The following MEIS1 variants were observed in gnomAD, a reference collection of about 807,000 sequenced individuals.
MEIS1 encodes Meis homeobox 1.
A neutral mutation model predicts 50.8 loss-of-function variants in MEIS1; 5 were observed. The observed-to-expected ratio is 0.10, with a 90% CI of 0.05 to 0.21. The LOEUF is 0.21. Among genes scored for constraint, MEIS1 ranks in the 10% least tolerant of loss-of-function variants. MEIS1 has a pLI of 1.00. For synonymous variants in MEIS1, 176 were observed against 179.3 expected (o/e 0.98, Z 0.15); for missense variants, 318 against 517.3 (o/e 0.61, Z 3.74).
At chr2:66,471,186 A>T (rs762330915) in intron 7 of MEIS1, among the ~76,000 whole-genome samples, 8 of 152,162 alleles carry the variant, frequency 5.3e-5, no homozygotes, top group South Asian at 4.1e-4. Flanking sequence ...TTGGGTTTGA[A>T]TAGTTCTGAC....
chr2:66,456,879 A>G (rs1672402773), intron 6 of MEIS1, among the ~76,000 whole-genome samples: 1 of 152,220 alleles, frequency 6.6e-6, no homozygotes, highest in Admixed American at 6.5e-5. Flanking sequence ...TCTGCATTTT[A>G]TCCACTTTTC....
chr2:66,439,791 T>C, intron 2 of MEIS1, 52 bp from the exon 3 acceptor site: 1 of 1,607,544 alleles, frequency 6.2e-7, no homozygotes, highest in Non-Finnish European at 8.5e-7. Flanking sequence ...CCTTTTTCCA[T>C]TGACTGGGGA....
Position 66,439,955 on chromosome 2 carries a change from A to G in MEIS1, c.352A>G (p.Asn118Asp). Residue 118 changes from asparagine to aspartate, a missense_variant, in exon 3 of 13, where the codon AAT becomes GAT. Asn to Asp is a conservative substitution (Grantham distance 23, BLOSUM62 1). Around this residue, in one of 6 missense-constraint regions of MEIS1, gnomAD observed 75 missense variants for 153.7 expected, o/e 0.49. Coordinates refer to ENST00000272369, the MANE Select transcript of MEIS1 (RefSeq NM_002398.3). ...GGDVCSSESF[N>D]EDIAVFAKQI... ...GGACGTCTGCTCGTCAGAGTCATTC[A>G]ATGAAGATATAGCCGTGTTCGCCAA... The G allele has an allele frequency of 6.2e-7, 1 of 1,612,930 alleles. No individual in the cohort carries two copies. The highest frequency in any genetic ancestry group is 8.5e-7 in the Non-Finnish European group (1 of 1,179,490).
At chr2:66,567,045 A>G (rs1675366346) in intron 9 of MEIS1, among the ~76,000 whole-genome samples, 2 of 152,152 alleles carry the variant, frequency 1.3e-5, no homozygotes, top group African/African-American at 4.8e-5. Flanking sequence ...GAAGTCAGAG[A>G]ACATAAGATT....
In MEIS1 at chr2:66,547,924, CTT is replaced by C. The variant is rs1165608011; in HGVS notation, c.889-14_889-13del. Reference sequence around the variant, plus strand: ...TAAATATTGCCTGATGCACACGTATCTTTTTTATTCTCTTTCAGCACCCTTAC... The same window carrying C: ...TAAATATTGCCTGATGCACACGTATCTTTTATTCTCTTTCAGCACCCTTAC... On this transcript the variant is annotated splice_polypyrimidine_tract_variant and intron_variant, in intron 8 of 12. Coordinates refer to ENST00000272369, the MANE Select transcript of MEIS1 (RefSeq NM_002398.3). The C allele has an allele frequency of 6.2e-7, 1 of 1,612,328 alleles. No homozygotes were observed. Among genetic ancestry groups the C allele is most frequent in the African/African-American group, 1.3e-5 (1 of 74,848 alleles).
chr2:66,491,501 C>T (rs1673272035), intron 7 of MEIS1, among the ~76,000 whole-genome samples: 1 of 152,110 alleles, frequency 6.6e-6, no homozygotes, highest in African/African-American at 2.4e-5. Flanking sequence ...TACTCTGATA[C>T]TTCCTGCAAT....
chr2:66,457,651 G>C (rs957296551), intron 6 of MEIS1, among the ~76,000 whole-genome samples: 1 of 152,188 alleles, frequency 6.6e-6, no homozygotes, highest in Non-Finnish European at 1.5e-5. Context: ...TTTAGACAGA[G>C]GGGAAAAGTC....
intron 9 of MEIS1, among the ~76,000 whole-genome samples, chr2:66,564,796 ATGTGCCATGTTGG>A (rs1415866276): frequency 6.6e-6 from 1 of 151,782 alleles, no homozygotes; most frequent in Non-Finnish European, 1.5e-5. Flanking sequence ...ATATGTATAC[ATGTGCCATGTTGG>A]TGTGCTGCCC....
intron 7 of MEIS1, among the ~76,000 whole-genome samples, chr2:66,476,913 T>C (rs781764164): frequency 2.8e-4 from 43 of 151,972 alleles, no homozygotes; most frequent in Non-Finnish European, 6.0e-4. Context: ...AAAAAAAAAT[T>C]AGCTTGTGTA....
At chr2:66,463,832 C>T (rs1672575562) in intron 6 of MEIS1, among the ~76,000 whole-genome samples, 1 of 152,164 alleles carries the variant, frequency 6.6e-6, no homozygotes, top group African/African-American at 2.4e-5. Flanking sequence ...TTTTGTTTTC[C>T]TCTTTGCCTG....
intron 8 of MEIS1, among the ~76,000 whole-genome samples, chr2:66,540,609 A>C (rs541294820): frequency 6.6e-6 from 1 of 152,152 alleles, no homozygotes; most frequent in South Asian, 2.1e-4. Flanking sequence ...TGGTTTTCTT[A>C]ATGGCCATTT....
At chr2:66,505,896 C>G (rs78870055) in intron 7 of MEIS1, among the ~76,000 whole-genome samples, 1 of 152,216 alleles carries the variant, frequency 6.6e-6, no homozygotes, top group East Asian at 1.9e-4. Context: ...TGTATTTCTT[C>G]CATGTTTTCT....
At chr2:66,443,974 C>T (rs1208089349) in intron 6 of MEIS1, among the ~76,000 whole-genome samples, 1 of 152,180 alleles carries the variant, frequency 6.6e-6, no homozygotes, top group Non-Finnish European at 1.5e-5. Context: ...CTCTGTCACC[C>T]CAACACCACC....
chr2:66,439,128 G>T (rs1671881661), intron 2 of MEIS1: 1 of 172,076 alleles, frequency 5.8e-6, no homozygotes, highest in Non-Finnish European at 1.1e-5. Context: ...GCGACATCTA[G>T]GCCCCTCGCA....
intron 7 of MEIS1, chr2:66,509,270 C>T (rs1165160827): frequency 9.7e-6 from 3 of 309,564 alleles, no homozygotes; most frequent in Non-Finnish European, 1.3e-5. Context: ...TGCTCTTCTC[C>T]TTCCCCATCT....
chr2:66,448,406 T>C (rs1672200648), intron 6 of MEIS1, among the ~76,000 whole-genome samples: 1 of 152,182 alleles, frequency 6.6e-6, no homozygotes, highest in South Asian at 2.1e-4. Context: ...TAGAAACTTA[T>C]GTTTATTAAG....
chr2:66,471,325 A>G (rs1266393671), intron 7 of MEIS1, among the ~76,000 whole-genome samples: 1 of 152,182 alleles, frequency 6.6e-6, no homozygotes, highest in Admixed American at 6.5e-5. Context: ...CTCATTTTTG[A>G]AATTTAAAAG....
In MEIS1 at chr2:66,461,862, A is replaced by G. The variant is rs1229030661; in HGVS notation, c.631-2247A>G. 4.0e-5 allele frequency: 19 copies of G among 470,630 alleles called. 1 individual carries two copies. The Admixed American group carries it at 4.2e-4, about 11-fold the overall frequency. 29.2% of individuals were successfully genotyped at this position (470,630 alleles called of 1,614,324 possible). A position where few individuals can be genotyped will look rare whatever the true frequency, so the allele number is the denominator to read the frequency against. On this transcript the variant is annotated intron_variant, in intron 6 of 12. Transcript: ENST00000272369. ...CTTTTCATGGTGAATTAAGTGGTGG[A>G]TGAAGAAAAATGGTGATGAAAAAAG...
At chr2:66,479,757 C>T (rs1183987386) in intron 7 of MEIS1, among the ~76,000 whole-genome samples, 1 of 152,178 alleles carries the variant, frequency 6.6e-6, no homozygotes. Context: ...GCAATCAGCA[C>T]TTTTCTTTAG....
Sources: allele counts gnomAD v4.1 joint callset (sites outside exome capture counted in the v4.1 genomes callset), GRCh38; gene constraint gnomAD v4.1.1; regional missense constraint gnomAD v4.1.1; transcripts MANE v1.5; gene names NCBI Gene and HGNC (gene_info 2026-07-23, HGNC 2026-07-21).